LRRC38: variants seen among roughly 807,000 people sequenced by gnomAD.
LRRC38 encodes the protein leucine-rich repeat-containing protein 38.
A neutral mutation model predicts 16.4 loss-of-function variants in LRRC38; 5 were observed. The ratio of observed to expected loss-of-function variants is 0.31; its 90% CI spans 0.16 to 0.64. The LOEUF (loss-of-function observed/expected upper bound fraction) is 0.64. Among genes scored for constraint, LRRC38 ranks in the 30% least tolerant of loss-of-function variants. LRRC38 has a pLI of 0.80. For synonymous variants in LRRC38, 191 were observed against 190.2 expected (o/e 1.00, Z -0.04); for missense variants, 341 against 401.8 (o/e 0.85, Z 1.29).
chr1:13,513,395 G>T lies in LRRC38; in HGVS notation c.199C>A (p.Arg67Ser), dbSNP rs1035980391. 6.4e-7 allele frequency: 1 copy of T among 1,550,470 alleles called. No individual in the cohort carries two copies. Among genetic ancestry groups the T allele is most frequent in the Non-Finnish European group, 8.7e-7 (1 of 1,146,952 alleles). Residue 67 changes from arginine to serine, a missense_variant, in exon 1 of 2, where the codon CGC becomes AGC. Arg to Ser is a moderately radical substitution (Grantham distance 110). Coordinates refer to ENST00000376085, the MANE Select transcript of LRRC38 (RefSeq NM_001010847.2). ...DVRKLLVAGN[R>S]IQRIPEDFFI... ...AAGTCCTCGGGGATCCGCTGGATGC[G>T]GTTGCCGGCCACCAGCAGCTTGCGC... is the stretch of plus-strand genomic sequence containing the variant.
Position 13,487,006 on chromosome 1 carries a change from T to C in LRRC38, c.632-10907A>G, listed in dbSNP as rs1009374265. Reference sequence around the variant, plus strand: ...ATCTTGGGTGGATTGACTAAATAGATGGCTGGAACCCGTTCAGTCCAGCCA... The same window carrying C: ...ATCTTGGGTGGATTGACTAAATAGACGGCTGGAACCCGTTCAGTCCAGCCA... On this transcript the variant is annotated intron_variant, in intron 1 of 1. Coordinates refer to ENST00000376085, the MANE Select transcript of LRRC38 (RefSeq NM_001010847.2). The surrounding 1 kb of genome is among the most constrained non-coding windows in gnomAD (Gnocchi z 4.4). Among the ~76,000 whole-genome samples, 5 of 152,182 alleles carry C rather than the reference T, an allele frequency of 3.3e-5. No homozygotes were observed. Among genetic ancestry groups the C allele is most frequent in the Non-Finnish European group, 5.9e-5 (4 of 68,048 alleles).
At chr1:13,501,111 T>A (rs772644257) in intron 1 of LRRC38, among the ~76,000 whole-genome samples, 3 of 152,154 alleles carry the variant, frequency 2.0e-5, no homozygotes, top group Non-Finnish European at 4.4e-5. Flanking sequence ...GTTCATCATA[T>A]TGGTTTATGC....
chr1:13,476,338 T>G (rs1238080124), intron 1 of LRRC38, among the ~76,000 whole-genome samples: 1 of 150,160 alleles, frequency 6.7e-6, no homozygotes, highest in Non-Finnish European at 1.5e-5. Flanking sequence ...CAGGTGTTTG[T>G]TTTTTGTTTT....
At chr1:13,512,668 C>A (rs971113421) in intron 1 of LRRC38, among the ~76,000 whole-genome samples, 2 of 152,124 alleles carry the variant, frequency 1.3e-5, no homozygotes, top group Admixed American at 6.5e-5. Flanking sequence ...TCCTAGGACC[C>A]AAAGCCCAGG....
At chr1:13,481,788 C>CTCT (rs1638871506) in intron 1 of LRRC38, among the ~76,000 whole-genome samples, 60 of 34,482 alleles carry the variant, frequency 1.7e-3, no homozygotes, top group South Asian at 3.8e-3. Context: ...TCCCTCTCTC[C>CTCT]CTCTCTCTCT....
chr1:13,489,747 G>A (rs957350754), intron 1 of LRRC38, among the ~76,000 whole-genome samples: 29 of 152,302 alleles, frequency 1.9e-4, no homozygotes, highest in South Asian at 4.1e-4. Context: ...GTGCTGACCT[G>A]TGTTCTCCAC....
chr1:13,504,756 G>A (rs1461171199), intron 1 of LRRC38, among the ~76,000 whole-genome samples: 1 of 78,816 alleles, frequency 1.3e-5, no homozygotes, highest in African/African-American at 7.1e-5. Flanking sequence ...GGGGAGGGGA[G>A]GGGAGGGGAA....
At position 13,513,460 on chromosome 1, in the gene LRRC38, C is replaced by G. The variant is rs1424230112; in HGVS notation, c.134G>C (p.Arg45Pro). The G allele has an allele frequency of 6.5e-7, 1 of 1,547,028 alleles. No homozygotes were observed. The highest frequency in any genetic ancestry group is 2.0e-5 in the Admixed American group (1 of 50,910). Residue 45 changes from arginine to proline, a missense_variant, in exon 1 of 2, where the codon CGC becomes CCC. By Grantham distance (103) the Arg-to-Pro change is moderately radical. Transcript: ENST00000376085. Reference protein sequence around the residue: ...TDPHTVDCRDRGLPSVPDPFP... With the variant: ...TDPHTVDCRDPGLPSVPDPFP... ...AGGGTCTGGCACGCTGGGCAGCCCG[C>G]GGTCGCGGCAGTCCACGGTGTGCGG...
At chr1:13,481,684 C>T (rs750880090) in intron 1 of LRRC38, among the ~76,000 whole-genome samples, 16 of 152,044 alleles carry the variant, frequency 1.1e-4, no homozygotes, top group African/African-American at 2.2e-4. Context: ...CATGAGTCAC[C>T]GTGCCCGGCC....
At chr1:13,496,382 A>G (rs1639080963) in intron 1 of LRRC38, among the ~76,000 whole-genome samples, 1 of 151,958 alleles carries the variant, frequency 6.6e-6, no homozygotes, top group Non-Finnish European at 1.5e-5. Flanking sequence ...TATGTTTCCC[A>G]GGCTGGTCTC....
intron 1 of LRRC38, among the ~76,000 whole-genome samples, chr1:13,512,308 G>A (rs553575418): frequency 6.6e-6 from 1 of 152,266 alleles, no homozygotes; most frequent in Admixed American, 6.5e-5. Flanking sequence ...TTATGCCCAC[G>A]CCGCCATTGG....
intron 1 of LRRC38, among the ~76,000 whole-genome samples, chr1:13,489,839 T>C (rs972959259): frequency 5.9e-5 from 9 of 152,110 alleles, no homozygotes; most frequent in Admixed American, 3.3e-4. Flanking sequence ...CGCAGACACT[T>C]CGTCTGATTG....
At chr1:13,488,460 T>C (rs1209870035) in intron 1 of LRRC38, among the ~76,000 whole-genome samples, 1 of 151,978 alleles carries the variant, frequency 6.6e-6, no homozygotes, top group Non-Finnish European at 1.5e-5. Context: ...TTAGTAGAGA[T>C]GGGGTTTCAC....
chr1:13,497,003 A>G (rs12735766), intron 1 of LRRC38, among the ~76,000 whole-genome samples: 8,715 of 152,126 alleles, frequency 0.057, 435 homozygotes, highest in East Asian at 0.18. Flanking sequence ...AAAGGCCCTG[A>G]GGTAAGAAGG....
At chr1:13,512,923 CCCCCT>C in intron 1 of LRRC38, 35 bp downstream of exon 1, 1 of 1,238,396 alleles carries the variant, frequency 8.1e-7, no homozygotes, top group East Asian at 2.7e-5. Flanking sequence ...CTCTCCCTGC[CCCCCT>C]CCCTCCCTCC....
intron 1 of LRRC38, among the ~76,000 whole-genome samples, chr1:13,504,608 A>T (rs201451938): frequency 6.6e-6 from 1 of 151,446 alleles, no homozygotes; most frequent in South Asian, 2.1e-4. Flanking sequence ...CTGTAATCCC[A>T]GCTACTCAGG....
At chr1:13,490,232 C>T (rs1193688955) in intron 1 of LRRC38, among the ~76,000 whole-genome samples, 6 of 152,108 alleles carry the variant, frequency 3.9e-5, no homozygotes, top group Non-Finnish European at 5.9e-5. Context: ...CCGGCTGGCT[C>T]ACTGTAACCT....
chr1:13,489,214 C>T (rs1000834853), intron 1 of LRRC38, among the ~76,000 whole-genome samples: 1 of 152,166 alleles, frequency 6.6e-6, no homozygotes, highest in African/African-American at 2.4e-5. Context: ...TTACTACTCC[C>T]CATCACTCTC....
At chr1:13,511,842 G>A (rs777221059) in intron 1 of LRRC38, among the ~76,000 whole-genome samples, 10 of 152,184 alleles carry the variant, frequency 6.6e-5, no homozygotes, top group Non-Finnish European at 1.0e-4. Flanking sequence ...ATTTGCTGAA[G>A]AGTGAGCACC....
Sources: gnomAD v4.1 joint callset for allele counts (sites outside exome capture counted in the v4.1 genomes callset) on GRCh38, gnomAD v4.1.1 for gene constraint, Gnocchi (gnomAD v3.1) non-coding constraint, MANE v1.5 for transcripts, NCBI Gene and HGNC (gene_info 2026-07-23, HGNC 2026-07-21) for gene names.